The following GPRASP3 variants were observed in gnomAD, a reference collection of about 807,000 sequenced individuals.
GPRASP3 encodes G protein-coupled receptor associated sorting protein family member 3.
At chrX:102,733,679 T>C in the GPRASP3 span, among the ~76,000 whole-genome samples, 1 of 109,966 alleles carries the variant, frequency 9.1e-6, no homozygotes, top group Non-Finnish European at 1.9e-5. Context: ...TTCAGTCTTT[T>C]ATTAGTTTTG....
At chrX:102,745,383 A>G in the GPRASP3 span, among the ~76,000 whole-genome samples, 1 of 111,528 alleles carries the variant, frequency 9.0e-6, no homozygotes, top group Non-Finnish European at 1.9e-5. Context: ...CTGTTAGAAG[A>G]GGGGCAGTGG....
chrX:102,733,669 T>G, the GPRASP3 span, among the ~76,000 whole-genome samples: 2 of 109,543 alleles, frequency 1.8e-5, no homozygotes, highest in Non-Finnish European at 3.8e-5. Context: ...AAAAGATGAC[T>G]TCAGTCTTTT....
chrX:102,728,611 C>T, the GPRASP3 span, among the ~76,000 whole-genome samples: 1 of 67,733 alleles, frequency 1.5e-5, no homozygotes, highest in Non-Finnish European at 2.6e-5. Context: ...GAGAGGGGGT[C>T]TTGCTATGTT....
At chrX:102,749,748 C>T in the GPRASP3 span, 111 of 1,210,067 alleles carry the variant, frequency 9.2e-5, no homozygotes, top group East Asian at 1.5e-3. Context: ...TTCTGGCCTC[C>T]GCTGAAGAAA....
chrX:102,734,082 C>T, the GPRASP3 span, among the ~76,000 whole-genome samples: 1 of 111,249 alleles, frequency 9.0e-6, no homozygotes, highest in Non-Finnish European at 1.9e-5. Flanking sequence ...AGGGACCGGC[C>T]ATTTTCACTT....
At chrX:102,731,609 A>G in the GPRASP3 span, among the ~76,000 whole-genome samples, 1 of 108,111 alleles carries the variant, frequency 9.2e-6, no homozygotes, top group Middle Eastern at 4.7e-3. Context: ...TGGGCAACAG[A>G]GCGAGACTCC....
chrX:102,740,409 T>G, the GPRASP3 span, among the ~76,000 whole-genome samples: 2 of 112,285 alleles, frequency 1.8e-5, no homozygotes, highest in Non-Finnish European at 3.8e-5. Flanking sequence ...CCAACAAGTG[T>G]TACTTCCACT....
At chrX:102,745,663 G>C in the GPRASP3 span, among the ~76,000 whole-genome samples, 3 of 111,413 alleles carry the variant, frequency 2.7e-5, no homozygotes, top group Non-Finnish European at 3.8e-5. Flanking sequence ...TGGGGCGGGG[G>C]TGCAGACACA....
At chrX:102,750,137 T>C in the GPRASP3 span, 1 of 1,209,828 alleles carries the variant, frequency 8.3e-7, no homozygotes, top group Non-Finnish European at 1.1e-6. Flanking sequence ...TCCCCTGAAA[T>C]GAGAAAAAAG....
At chrX:102,721,202 G>A in the GPRASP3 span, 1 of 111,746 alleles carries the variant, frequency 8.9e-6, no homozygotes, top group Non-Finnish European at 1.9e-5. Flanking sequence ...GGGGGAGGTG[G>A]GCATATGGAT....
At chrX:102,734,024 G>T in the GPRASP3 span, among the ~76,000 whole-genome samples, 1 of 110,943 alleles carries the variant, frequency 9.0e-6, no homozygotes, top group East Asian at 2.9e-4. Context: ...TTTGAGCCAG[G>T]ATGAGCCAGG....
chrX:102,749,494 G>C, the GPRASP3 span: 1 of 1,210,333 alleles, frequency 8.3e-7, no homozygotes, highest in Non-Finnish European at 1.1e-6. Flanking sequence ...AGGGGCTGAG[G>C]AGGAGGAGGA....
chrX:102,731,303 TCAGAG>T, the GPRASP3 span, among the ~76,000 whole-genome samples: 1 of 112,023 alleles, frequency 8.9e-6, no homozygotes, highest in South Asian at 3.8e-4. Context: ...GAGGCAAATT[TCAGAG>T]CAGGAGTGGA....
chrX:102,738,087 C>T, the GPRASP3 span, among the ~76,000 whole-genome samples: 1 of 111,762 alleles, frequency 8.9e-6, no homozygotes, highest in Non-Finnish European at 1.9e-5. Context: ...CCAAGTCTGA[C>T]TCTTGTAATT....
the GPRASP3 span, among the ~76,000 whole-genome samples, chrX:102,728,566 CTGCTTTTTTT>C: frequency 1.1e-5 from 1 of 92,910 alleles, no homozygotes; most frequent in African/African-American, 4.1e-5. Context: ...GCAATGTGCA[CTGCTTTTTTT>C]TTTTTTTTTT....
the GPRASP3 span, among the ~76,000 whole-genome samples, chrX:102,730,699 A>G: frequency 8.9e-6 from 1 of 111,873 alleles, no homozygotes; most frequent in Middle Eastern, 4.6e-3. Flanking sequence ...CAGAAACAGG[A>G]ATAGTCAATT....
chrX:102,733,050 G>A, the GPRASP3 span, among the ~76,000 whole-genome samples: 1 of 112,382 alleles, frequency 8.9e-6, no homozygotes. Context: ...ATGAAGACAT[G>A]TCATTCCAGT....
At chrX:102,732,943 G>T in the GPRASP3 span, among the ~76,000 whole-genome samples, 1 of 111,533 alleles carries the variant, frequency 9.0e-6, no homozygotes, top group Non-Finnish European at 1.9e-5. Context: ...ACATACCACA[G>T]GTCAGGAACC....
the GPRASP3 span, among the ~76,000 whole-genome samples, chrX:102,737,441 C>A: frequency 8.9e-6 from 1 of 111,961 alleles, no homozygotes; most frequent in Non-Finnish European, 1.9e-5. Flanking sequence ...GTAGCTTCGA[C>A]AAAGGAAAAT....
Sources: allele counts gnomAD v4.1 joint callset (sites outside exome capture counted in the v4.1 genomes callset), GRCh38; gene constraint gnomAD v4.1.1; transcripts MANE v1.5; gene names NCBI Gene and HGNC (gene_info 2026-07-23, HGNC 2026-07-21).